The following HHIP variants were observed in gnomAD, a reference collection of about 807,000 sequenced individuals.
The protein encoded by HHIP is hedgehog-interacting protein.
In HHIP, 12 loss-of-function variants were observed where a neutral mutation model predicts 74.0. That is an observed-to-expected ratio of 0.16 (90% CI 0.10 to 0.26). HHIP has a LOEUF of 0.26. Among genes scored for constraint, HHIP ranks in the 10% least tolerant of loss-of-function variants. The pLI is 1.00. For synonymous variants in HHIP, 309 were observed against 311.6 expected (o/e 0.99, Z 0.09); for missense variants, 788 against 845.0 (o/e 0.93, Z 0.84).
chr4:144,720,483 T>A (rs956706882), intron 11 of HHIP, among the ~76,000 whole-genome samples: 1 of 152,178 alleles, frequency 6.6e-6, no homozygotes, highest in African/African-American at 2.4e-5. Flanking sequence ...TCTGGATTGT[T>A]TAGTCTGTGG....
intron 4 of HHIP, among the ~76,000 whole-genome samples, chr4:144,682,244 C>A (rs2126622842): frequency 6.6e-6 from 1 of 152,270 alleles, no homozygotes; most frequent in South Asian, 2.1e-4. Context: ...GCGAAAACTT[C>A]TCAACATACT....
chr4:144,727,243 G>A (rs1023291891), intron 11 of HHIP, among the ~76,000 whole-genome samples: 1 of 152,152 alleles, frequency 6.6e-6, no homozygotes, highest in African/African-American at 2.4e-5. Context: ...TAACACGATG[G>A]AGAGAGAAAG....
At chr4:144,668,080 G>A (rs182735041) in intron 4 of HHIP, among the ~76,000 whole-genome samples, 1,654 of 152,180 alleles carry the variant, frequency 0.011, 24 homozygotes, top group Admixed American at 0.034. Context: ...CACTTTGGGA[G>A]GCCGAGCCGG....
In HHIP at chr4:144,706,574, A is replaced by G; in HGVS notation, c.875A>G (p.Asn292Ser). 1 of 1,613,168 alleles carries G rather than the reference A, an allele frequency of 6.2e-7. No homozygotes were observed. The highest frequency in any genetic ancestry group is 8.5e-7 in the Non-Finnish European group (1 of 1,179,592). ...RGLLSLAFHP[N>S]YKKNGKLYVS... is the part of the protein sequence containing the mutation. ...CTGCTAAGCCTCGCATTCCATCCCA[A>G]TTACAAGAAAAATGGAAAGTTGTAT... Residue 292 changes from asparagine to serine, a missense_variant, in exon 5 of 13, where the codon AAT becomes AGT. By Grantham distance (46) the Asn-to-Ser change is conservative. This residue lies in a region of HHIP where 373 missense variants were observed against 366.4 expected (regional missense o/e 1.02). Transcript: ENST00000296575.
chr4:144,659,877 C>G, intron 4 of HHIP, 39 bp downstream of exon 4: 1 of 1,464,820 alleles, frequency 6.8e-7, no homozygotes, highest in East Asian at 2.3e-5. Flanking sequence ...GTGCTGGCTA[C>G]GTTAATTTTA....
rs17019609 is a variant in HHIP, at chr4:144,662,114, A to G, written c.831+2276A>G. On this transcript the variant is annotated intron_variant, in intron 4 of 12. Transcript: ENST00000296575. ...ATTTCTGATTATAAGAGTTTCTAAA[A>G]TCTATTGCTGGCTATTTTTAAAAAA... is the stretch of plus-strand genomic sequence containing the variant. Among the ~76,000 whole-genome samples, 830 of 152,306 alleles carry G rather than the reference A, an allele frequency of 5.4e-3. 9 individuals carry two copies. The highest frequency in any genetic ancestry group is 0.019 in the African/African-American group (808 of 41,558).
At chr4:144,700,149 C>T (rs1269997087) in intron 4 of HHIP, among the ~76,000 whole-genome samples, 1 of 152,196 alleles carries the variant, frequency 6.6e-6, no homozygotes, top group Non-Finnish European at 1.5e-5. Context: ...TCTCCTTCTG[C>T]TCAATTCTGA....
chr4:144,715,157 T>TA (rs1466077668), intron 9 of HHIP, 143 bp from the exon 10 acceptor site: 2 of 678,494 alleles, frequency 2.9e-6, no homozygotes, highest in Non-Finnish European at 4.9e-6. Context: ...TCACACACGT[T>TA]ATGGGCTATG....
intron 4 of HHIP, among the ~76,000 whole-genome samples, chr4:144,690,812 C>T (rs1359580739): frequency 6.6e-6 from 1 of 152,130 alleles, no homozygotes. Context: ...AGTGTCTTAT[C>T]ATTAGCATGG....
Position 144,724,698 on chromosome 4 carries a change from GTA to G in HHIP, c.1760+5752_1760+5753del, listed in dbSNP as rs982607286. On this transcript the variant is annotated intron_variant, in intron 11 of 12. Transcript: ENST00000296575. ...TATATATATTTATATATATATATAAGTATATATATATGTATGTATGCATATAT... is the reference window on the plus strand; with the variant it reads ...TATATATATTTATATATATATATAAGTATATATATGTATGTATGCATATAT... Among the ~76,000 whole-genome samples, 274 of 31,738 alleles carry G rather than the reference GTA, an allele frequency of 8.6e-3. 2 individuals carry two copies. Among genetic ancestry groups the G allele is most frequent in the African/African-American group, 0.018 (253 of 13,996 alleles). The allele number at this position is 31,738 out of a possible 152,430, so 20.8% of individuals were successfully genotyped here. A position where few individuals can be genotyped will look rare whatever the true frequency, so the allele number is the denominator to read the frequency against.
intron 1 of HHIP, among the ~76,000 whole-genome samples, chr4:144,650,262 A>G (rs974466283): frequency 2.0e-5 from 3 of 152,092 alleles, no homozygotes; most frequent in East Asian, 1.9e-4. Flanking sequence ...TCGTGTGGCT[A>G]AAGATTAAAG....
At chr4:144,719,550 G>C (rs553172777) in intron 11 of HHIP, among the ~76,000 whole-genome samples, 9 of 152,136 alleles carry the variant, frequency 5.9e-5, no homozygotes, top group African/African-American at 2.2e-4. Context: ...TCTCACCCCT[G>C]GTCCTTCCCA....
chr4:144,665,886 T>C (rs139363002), intron 4 of HHIP, among the ~76,000 whole-genome samples: 99 of 152,308 alleles, frequency 6.5e-4, no homozygotes, highest in Middle Eastern at 6.8e-3. Context: ...GAGGAAAGTT[T>C]TTACATTAAT....
chr4:144,735,760 T>C (rs1008814477), intron 12 of HHIP, among the ~76,000 whole-genome samples: 3 of 152,194 alleles, frequency 2.0e-5, no homozygotes, highest in African/African-American at 7.2e-5. Flanking sequence ...TTGTTTGTCC[T>C]CAAGATGTAT....
chr4:144,724,670 A>G (rs557166527), intron 11 of HHIP, among the ~76,000 whole-genome samples: 209 of 102,520 alleles, frequency 2.0e-3, no homozygotes, highest in Admixed American at 3.8e-3. Context: ...GTGTGTGTGT[A>G]TATATATATA....
chr4:144,713,456 T>TA (rs1275754006), intron 8 of HHIP, among the ~76,000 whole-genome samples: 1 of 152,204 alleles, frequency 6.6e-6, no homozygotes, highest in African/African-American at 2.4e-5. Flanking sequence ...AAGCTTTTGA[T>TA]AAAATCTGTT....
At chr4:144,715,905 A>G (rs1730434368) in intron 10 of HHIP, among the ~76,000 whole-genome samples, 1 of 152,190 alleles carries the variant, frequency 6.6e-6, no homozygotes, top group Non-Finnish European at 1.5e-5. Flanking sequence ...AAATTTGAGC[A>G]AGATGATCTG....
Position 144,742,980 on chromosome 4 carries a change from TATACATTA to T in HHIP, c.*5024_*5031del, listed in dbSNP as rs1431777592. On this transcript the variant is annotated 3_prime_UTR_variant, in exon 13 of 13. Coordinates refer to ENST00000296575, the MANE Select transcript of HHIP (RefSeq NM_022475.3). ...TACATATAAGATATATGTATATATA[TATACATTA>T]TATATATATAATATATATATATTAT... 2.8e-3 allele frequency: 4 copies of T among 1,442 alleles called. No homozygotes were observed. Among genetic ancestry groups the T allele is most frequent in the Non-Finnish European group, 6.9e-3 (3 of 434 alleles). 0.1% of individuals were successfully genotyped at this position (1,442 alleles called of 1,614,324 possible). A position where few individuals can be genotyped will look rare whatever the true frequency, so the allele number is the denominator to read the frequency against.
At chr4:144,688,160 G>C (rs1182547140) in intron 4 of HHIP, among the ~76,000 whole-genome samples, 1 of 152,056 alleles carries the variant, frequency 6.6e-6, no homozygotes, top group Non-Finnish European at 1.5e-5. Context: ...TGTCTTCTGT[G>C]AACATTGCAT....
Sources: gnomAD v4.1 joint callset for allele counts (sites outside exome capture counted in the v4.1 genomes callset) on GRCh38, gnomAD v4.1.1 for gene constraint, gnomAD v4.1.1 regional missense constraint, MANE v1.5 for transcripts, NCBI Gene and HGNC (gene_info 2026-07-23, HGNC 2026-07-21) for gene names.